Variants in PPM1E observed in about 807,000 individuals in gnomAD.
PPM1E encodes the protein protein phosphatase 1E.
PPM1E carries 20 observed loss-of-function variants against 65.9 expected under a neutral mutation model. The observed-to-expected ratio is 0.30, with a 90% CI of 0.21 to 0.44. The LOEUF is 0.44. PPM1E is among the 20% of genes least tolerant of loss of function. PPM1E has a pLI of 1.00. For synonymous variants in PPM1E, 352 were observed against 374.9 expected, an observed-to-expected ratio of 0.94 and a Z score of 0.70; for missense variants, 713 against 953.1, an observed-to-expected ratio of 0.75 and a Z score of 3.32.
chr17:58,829,892 G>A (rs369586594), intron 1 of PPM1E, among the ~76,000 whole-genome samples: 2 of 152,120 alleles, frequency 1.3e-5, no homozygotes, highest in East Asian at 3.9e-4. Flanking sequence ...CAGAATTACA[G>A]GTTAAAGGCC....
At chr17:58,826,364 A>G (rs185369070) in intron 1 of PPM1E, among the ~76,000 whole-genome samples, 2 of 152,160 alleles carry the variant, frequency 1.3e-5, no homozygotes, top group Admixed American at 6.6e-5. Context: ...TTATGAAAGA[A>G]ATTTAGCTGG....
intron 1 of PPM1E, among the ~76,000 whole-genome samples, chr17:58,765,334 T>C (rs376471168): frequency 6.6e-6 from 1 of 151,904 alleles, no homozygotes; most frequent in South Asian, 2.1e-4. Context: ...CGCATCACCA[T>C]GCCCAGCTAA....
chr17:58,865,663 T>G (rs954264859), intron 1 of PPM1E, among the ~76,000 whole-genome samples: 1 of 152,236 alleles, frequency 6.6e-6, no homozygotes, highest in Admixed American at 6.5e-5. Flanking sequence ...TTGCAGCCAC[T>G]GCTCTCCAGA....
At chr17:58,923,584 A>G (rs1368556109) in intron 1 of PPM1E, among the ~76,000 whole-genome samples, 1 of 151,830 alleles carries the variant, frequency 6.6e-6, no homozygotes, top group Admixed American at 6.6e-5. Context: ...CGTCTCTACT[A>G]AAAATAAAAA....
intron 1 of PPM1E, among the ~76,000 whole-genome samples, chr17:58,877,324 T>C (rs577086055): frequency 2.1e-4 from 32 of 152,256 alleles, no homozygotes; most frequent in Admixed American, 1.8e-3. Flanking sequence ...AAATAAGATA[T>C]TGCTTTTAAA....
intron 1 of PPM1E, among the ~76,000 whole-genome samples, chr17:58,798,190 T>C (rs947498689): frequency 8.5e-5 from 13 of 152,086 alleles, no homozygotes; most frequent in Non-Finnish European, 1.6e-4. Flanking sequence ...GATATGTGTT[T>C]TGCAAATATT....
chr17:58,928,534 C>T (rs1023550198), intron 1 of PPM1E, among the ~76,000 whole-genome samples: 1 of 152,014 alleles, frequency 6.6e-6, no homozygotes, highest in African/African-American at 2.4e-5. Context: ...AACCAAAACT[C>T]TATACATTGT....
At position 58,982,819 on chromosome 17, in the gene PPM1E, C is replaced by T. The variant is rs955642130; in HGVS notation, c.*1788C>T. 11 of 1,257,964 alleles carry T rather than the reference C, an allele frequency of 8.7e-6. No homozygotes were observed. The African/African-American group carries it at 1.6e-4, about 19-fold the overall frequency. The allele number at this position is 1,257,964 out of a possible 1,614,324, so 77.9% of individuals were successfully genotyped here. On this transcript the variant is annotated 3_prime_UTR_variant, in exon 7 of 7. Coordinates refer to ENST00000308249, the MANE Select transcript of PPM1E (RefSeq NM_014906.5). ...ATAGTGCCGGAACCTTTTCATCATT[C>T]TGAGGCTTTGCCCCACACATGGTCC...
chr17:58,874,995 C>A (rs945556665), intron 1 of PPM1E, among the ~76,000 whole-genome samples: 46 of 152,250 alleles, frequency 3.0e-4, no homozygotes, highest in Admixed American at 5.9e-4. Context: ...TAAGAGGCAA[C>A]CTCTCATGAA....
intron 6 of PPM1E, among the ~76,000 whole-genome samples, chr17:58,973,860 G>A (rs1356868611): frequency 6.7e-6 from 1 of 149,102 alleles, no homozygotes; most frequent in Non-Finnish European, 1.5e-5. Context: ...GTTGAGGCAG[G>A]AGAATCACTT....
intron 1 of PPM1E, chr17:58,785,277 T>C (rs2050087753): frequency 6.9e-6 from 1 of 144,854 alleles, no homozygotes. Context: ...AGAAGAATAA[T>C]ATAACTTTTA....
At chr17:58,829,219 T>G (rs984706161) in intron 1 of PPM1E, among the ~76,000 whole-genome samples, 2 of 152,056 alleles carry the variant, frequency 1.3e-5, no homozygotes, top group Non-Finnish European at 2.9e-5. Flanking sequence ...ATTTTGTATA[T>G]TCAGTAGAGA....
At chr17:58,863,663 G>T (rs1276878115) in intron 1 of PPM1E, among the ~76,000 whole-genome samples, 1 of 152,158 alleles carries the variant, frequency 6.6e-6, no homozygotes, top group Non-Finnish European at 1.5e-5. Context: ...AGGTCACACA[G>T]ACTTGAAGGA....
chr17:58,921,604 C>T (rs143551863), intron 1 of PPM1E, among the ~76,000 whole-genome samples: 155 of 150,214 alleles, frequency 1.0e-3, no homozygotes, highest in African/African-American at 3.7e-3. Context: ...GTTGAGGCTG[C>T]AGTGAGCCGT....
chr17:58,798,894 A>T (rs188306106), intron 1 of PPM1E, among the ~76,000 whole-genome samples: 19 of 152,026 alleles, frequency 1.2e-4, no homozygotes, highest in Admixed American at 1.2e-3. Flanking sequence ...GGGTTTCACT[A>T]TGTTGGCCAG....
chr17:58,959,685 A>C (rs1464977061), intron 2 of PPM1E, among the ~76,000 whole-genome samples: 2 of 151,494 alleles, frequency 1.3e-5, no homozygotes, highest in East Asian at 3.9e-4. Flanking sequence ...AAAAAAAAAA[A>C]TCTTAAGTAA....
Position 58,983,027 on chromosome 17 carries a change from A to G in PPM1E, c.*1996A>G. 9.5e-7 allele frequency: 1 copy of G among 1,053,930 alleles called. No individual in the cohort carries two copies. Among genetic ancestry groups the G allele is most frequent in the South Asian group, 1.5e-5 (1 of 67,764 alleles). The allele number at this position is 1,053,930 out of a possible 1,614,324, so 65.3% of individuals were successfully genotyped here. A position where few individuals can be genotyped will look rare whatever the true frequency, so the allele number is the denominator to read the frequency against. On this transcript the variant is annotated 3_prime_UTR_variant, in exon 7 of 7. Transcript: ENST00000308249. Reference sequence around the variant, plus strand: ...CTTTTTAAAATTTCTATTGTTGTCTATTGGTAATGTTTTTGATCAGAATAA... The same window carrying G: ...CTTTTTAAAATTTCTATTGTTGTCTGTTGGTAATGTTTTTGATCAGAATAA...
chr17:58,957,646 G>T (rs1026649454), intron 2 of PPM1E, among the ~76,000 whole-genome samples: 6 of 152,072 alleles, frequency 3.9e-5, no homozygotes, highest in Non-Finnish European at 8.8e-5. Context: ...AATAAGACCT[G>T]CTGTCACTGG....
chr17:58,792,602 A>G (rs993096985), intron 1 of PPM1E, among the ~76,000 whole-genome samples: 59 of 151,722 alleles, frequency 3.9e-4, no homozygotes, highest in Non-Finnish European at 4.4e-5. Context: ...TTGGGCTCCT[A>G]AAGTGCTGAA....
Sources: allele counts gnomAD v4.1 joint callset (sites outside exome capture counted in the v4.1 genomes callset), GRCh38; gene constraint gnomAD v4.1.1; transcripts MANE v1.5; gene names NCBI Gene and HGNC (gene_info 2026-07-23, HGNC 2026-07-21).